The following CALU variants were observed in gnomAD, a reference collection of about 807,000 sequenced individuals.
CALU encodes the protein IEF SSP 9302.
In CALU, 13 loss-of-function variants were observed where a neutral mutation model predicts 37.5. That is an observed-to-expected ratio of 0.35 (90% CI 0.23 to 0.55). The LOEUF is 0.55. CALU is among the 20% of genes least tolerant of loss of function. CALU has a pLI of 0.89. For synonymous variants in CALU, 114 were observed against 133.8 expected (o/e 0.85, Z 1.02); for missense variants, 282 against 391.7 (o/e 0.72, Z 2.36).
At chr7:128,757,823 T>C (rs979070812) in intron 3 of CALU, among the ~76,000 whole-genome samples, 7 of 152,160 alleles carry the variant, frequency 4.6e-5, no homozygotes, top group African/African-American at 1.7e-4. Context: ...TTCTATATTC[T>C]TATATAGAGA....
intron 5 of CALU, among the ~76,000 whole-genome samples, chr7:128,765,569 A>T (rs1801299125): frequency 6.6e-6 from 1 of 152,280 alleles, no homozygotes; most frequent in African/African-American, 2.4e-5. Flanking sequence ...TTGTGTATGT[A>T]AATTGAAATA....
intron 3 of CALU, among the ~76,000 whole-genome samples, chr7:128,756,503 T>G (rs1186640708): frequency 6.6e-6 from 1 of 152,178 alleles, no homozygotes; most frequent in Non-Finnish European, 1.5e-5. Flanking sequence ...GTGAGGAGTT[T>G]TTGTTACTGT....
chr7:128,755,903 G>A (rs1374413497), intron 3 of CALU, among the ~76,000 whole-genome samples: 1 of 152,192 alleles, frequency 6.6e-6, no homozygotes, highest in Non-Finnish European at 1.5e-5. Context: ...AACAGTGAGT[G>A]TATAATGGAT....
Position 128,772,043 on chromosome 7 carries a change from G to A in CALU, c.*2876G>A, listed in dbSNP as rs985626956. 1.3e-5 allele frequency among the ~76,000 whole-genome samples: 2 copies of A among 150,522 alleles called. No individual in the cohort carries two copies. The highest frequency in any genetic ancestry group is 4.9e-5 in the African/African-American group (2 of 40,808). On this transcript the variant is annotated 3_prime_UTR_variant, in exon 7 of 7. Coordinates refer to ENST00000249364, the MANE Select transcript of CALU (RefSeq NM_001219.5). ...CAAAAGTTCTTTCAAACTCATATTT[G>A]GGGCCACTGAGTTTTTTTTGTTTTT... is the stretch of plus-strand genomic sequence containing the variant.
intron 1 of CALU, 136 bp downstream of exon 1, chr7:128,739,568 G>A (rs1329409726): frequency 6.6e-6 from 1 of 152,336 alleles, no homozygotes; most frequent in African/African-American, 2.4e-5. Context: ...CCGGGTCCCA[G>A]GCCTGATGCT....
chr7:128,773,041 A>G lies in CALU; in HGVS notation c.*3874A>G, dbSNP rs889458779. On this transcript the variant is annotated 3_prime_UTR_variant, in exon 7 of 7. Coordinates refer to ENST00000249364, the MANE Select transcript of CALU (RefSeq NM_001219.5). Reference sequence around the variant, plus strand: ...AGTCTACCTCTGGGATTGAGGAAACAATACCATCTGAAAGTAGGGTTTTTG... The same window carrying G: ...AGTCTACCTCTGGGATTGAGGAAACGATACCATCTGAAAGTAGGGTTTTTG... Among the ~76,000 whole-genome samples, 5 of 152,172 alleles carry G rather than the reference A, an allele frequency of 3.3e-5. No individual in the cohort carries two copies. Among genetic ancestry groups the G allele is most frequent in the African/African-American group, 1.2e-4 (5 of 41,434 alleles).
intron 1 of CALU, chr7:128,748,150 A>G (rs1800518359): frequency 2.1e-6 from 1 of 473,792 alleles, no homozygotes; most frequent in Admixed American, 3.9e-5. Context: ...TTCCTAGATG[A>G]TTCTAATAAC....
Position 128,769,452 on chromosome 7 carries a change from A to C in CALU, c.*285A>C, listed in dbSNP as rs979353176. 4.8e-6 allele frequency: 1 copy of C among 208,514 alleles called. No individual in the cohort carries two copies. The highest frequency in any genetic ancestry group is 9.7e-6 in the Non-Finnish European group (1 of 102,818). The allele number at this position is 208,514 out of a possible 1,614,324, so 12.9% of individuals were successfully genotyped here. On this transcript the variant is annotated 3_prime_UTR_variant, in exon 7 of 7. Coordinates refer to ENST00000249364, the MANE Select transcript of CALU (RefSeq NM_001219.5). Reference sequence around the variant, plus strand: ...TTTGTATTTTTCTCTGGTTGGGAGTATGATATGAAGGATCAAGATCCTCAA... The same window carrying C: ...TTTGTATTTTTCTCTGGTTGGGAGTCTGATATGAAGGATCAAGATCCTCAA...
rs1464280173 is a variant in CALU at position 128,772,568 on chromosome 7, A to G, written c.*3401A>G. On this transcript the variant is annotated 3_prime_UTR_variant, in exon 7 of 7. Transcript: ENST00000249364. Reference sequence around the variant, plus strand: ...GTTGGGGCCAACTTGGGTAGACGAGACAGTAGAAACTTCTGTTTTCTGGGA... The same window carrying G: ...GTTGGGGCCAACTTGGGTAGACGAGGCAGTAGAAACTTCTGTTTTCTGGGA... 1 of 1,614,178 alleles carries G rather than the reference A, an allele frequency of 6.2e-7. No individual in the cohort carries two copies. Among genetic ancestry groups the G allele is most frequent in the Non-Finnish European group, 8.5e-7 (1 of 1,180,024 alleles).
chr7:128,756,155 C>T (rs1585010606), intron 3 of CALU, among the ~76,000 whole-genome samples: 1 of 152,332 alleles, frequency 6.6e-6, no homozygotes, highest in African/African-American at 2.4e-5. Context: ...TGAGACCCAA[C>T]ACCTTCCTGA....
chr7:128,747,028 A>T (rs776781274), intron 1 of CALU, among the ~76,000 whole-genome samples: 13 of 152,078 alleles, frequency 8.5e-5, no homozygotes, highest in Non-Finnish European at 1.3e-4. Flanking sequence ...TCGGCCTCCC[A>T]GTGTGCTGGG....
intron 3 of CALU, among the ~76,000 whole-genome samples, chr7:128,758,032 C>G (rs141512130): frequency 6.6e-6 from 1 of 151,930 alleles, no homozygotes; most frequent in Non-Finnish European, 1.5e-5. Context: ...ACTGCAATCA[C>G]GATAATGAGC....
chr7:128,767,377 A>G, intron 5 of CALU, 79 bp from the exon 6 acceptor site: 1 of 1,093,164 alleles, frequency 9.1e-7, no homozygotes, highest in Non-Finnish European at 1.4e-6. Flanking sequence ...GATGAGGAAA[A>G]AGGGTTAGGC....
rs1009081821 is a variant in CALU at position 128,769,458 on chromosome 7, T to G, written c.*291T>G. 1.0e-5 allele frequency: 2 copies of G among 199,412 alleles called. No individual in the cohort carries two copies. Among genetic ancestry groups the G allele is most frequent in the African/African-American group, 4.6e-5 (2 of 43,086 alleles). The allele number at this position is 199,412 out of a possible 1,614,324, so 12.4% of individuals were successfully genotyped here. A position where few individuals can be genotyped will look rare whatever the true frequency, so the allele number is the denominator to read the frequency against. The stretch of plus-strand genomic sequence containing the variant: ...TTTTTCTCTGGTTGGGAGTATGATA[T>G]GAAGGATCAAGATCCTCAACTCACA... On this transcript the variant is annotated 3_prime_UTR_variant, in exon 7 of 7. Transcript: ENST00000249364.
chr7:128,768,028 T>C (rs991251343), intron 6 of CALU, among the ~76,000 whole-genome samples: 1 of 152,202 alleles, frequency 6.6e-6, no homozygotes, highest in African/African-American at 2.4e-5. Flanking sequence ...GCTGGTTGTT[T>C]CCTTCTTAAA....
At chr7:128,742,915 T>C (rs967665007) in intron 1 of CALU, among the ~76,000 whole-genome samples, 3 of 152,240 alleles carry the variant, frequency 2.0e-5, no homozygotes, top group Non-Finnish European at 2.9e-5. Context: ...TTTTGGTTTG[T>C]GTCTAACATG....
chr7:128,757,358 A>AGAGT (rs1554365557), intron 3 of CALU, among the ~76,000 whole-genome samples: 3 of 146,092 alleles, frequency 2.1e-5, no homozygotes, highest in African/African-American at 7.6e-5. Flanking sequence ...TATGGCTTTG[A>AGAGT]GTGTGTGTGT....
Position 128,772,447 on chromosome 7 carries a change from T to G in CALU, c.*3280T>G. 6.7e-7 allele frequency: 1 copy of G among 1,495,458 alleles called. No homozygotes were observed. The highest frequency in any genetic ancestry group is 9.3e-7 in the Non-Finnish European group (1 of 1,080,662). The allele number at this position is 1,495,458 out of a possible 1,614,324, so 92.6% of individuals were successfully genotyped here. A position where few individuals can be genotyped will look rare whatever the true frequency, so the allele number is the denominator to read the frequency against. ...CACTCCTTTTACCATCTTTTTTGTG[T>G]TTTTAGTAGTTTGGTTTCTGACGGA... On this transcript the variant is annotated 3_prime_UTR_variant, in exon 7 of 7. Coordinates refer to ENST00000249364, the MANE Select transcript of CALU (RefSeq NM_001219.5).
At chr7:128,741,308 T>C (rs1800231576) in intron 1 of CALU, among the ~76,000 whole-genome samples, 1 of 152,230 alleles carries the variant, frequency 6.6e-6, no homozygotes. Context: ...GGAACCACAT[T>C]GCTGCCAAGT....
Sources: gnomAD v4.1 joint callset for allele counts (sites outside exome capture counted in the v4.1 genomes callset) on GRCh38, gnomAD v4.1.1 for gene constraint, MANE v1.5 for transcripts, NCBI Gene and HGNC (gene_info 2026-07-23, HGNC 2026-07-21) for gene names.